The following ABCA5 variants were observed in gnomAD, a reference collection of about 807,000 sequenced individuals.
ABCA5 encodes the protein cholesterol transporter ABCA5.
Under a neutral mutation model 206.0 loss-of-function variants are expected in ABCA5, and 163 were observed. The ratio of observed to expected loss-of-function variants is 0.79; its 90% CI spans 0.70 to 0.90. The LOEUF (loss-of-function observed/expected upper bound fraction) is 0.90, where lower values mean the gene tolerates loss of function less well. Ranked by LOEUF, ABCA5 falls within the 40% of genes least tolerant of loss-of-function variation. The pLI is 0.00. For synonymous variants in ABCA5, 609 were observed against 613.8 expected, an observed-to-expected ratio of 0.99 and a Z score of 0.11; for missense variants, 1,859 against 1,912.9, an observed-to-expected ratio of 0.97 and a Z score of 0.53.
intron 1 of ABCA5, among the ~76,000 whole-genome samples, chr17:69,321,205 C>T (rs551818): frequency 1.3e-5 from 2 of 152,200 alleles, no homozygotes; most frequent in South Asian, 4.2e-4. Context: ...ACACCCAAAA[C>T]TAAAGGGTTA....
intron 23 of ABCA5, among the ~76,000 whole-genome samples, chr17:69,267,155 G>A (rs971212775): frequency 7.2e-5 from 11 of 152,004 alleles, no homozygotes; most frequent in African/African-American, 1.7e-4. Context: ...GATTACAGGC[G>A]TGGTCCACCA....
intron 19 of ABCA5, among the ~76,000 whole-genome samples, chr17:69,276,078 TTTC>T (rs1157007686): frequency 2.2e-5 from 3 of 138,084 alleles, no homozygotes; most frequent in African/African-American, 8.0e-5. Context: ...GTATTTTAAT[TTTC>T]TTTTTTTGGG....
chr17:69,261,161 G>C lies in ABCA5; in HGVS notation c.3528C>G (p.Ile1176Met), dbSNP rs1156716082. Residue 1176 changes from isoleucine to methionine, a missense_variant, in exon 26 of 39, where the codon ATC becomes ATG. Ile to Met is a conservative substitution (Grantham distance 10). Transcript: ENST00000392676. Reference protein sequence around the residue: ...LHYAFCIIIPIYPLLGCLISF... With the variant: ...LHYAFCIIIPMYPLLGCLISF... ...AAATCAGGCAACCTAGAAGTGGATA[G>C]ATTGGAATGATGATACAAAAGGCAT... 2.5e-6 allele frequency: 4 copies of C among 1,601,310 alleles called. No homozygotes were observed. The African/African-American group carries it at 4.0e-5, about 16-fold the overall frequency.
chr17:69,307,215 CAAAT>C (rs1487816685), intron 5 of ABCA5, among the ~76,000 whole-genome samples: 3 of 151,640 alleles, frequency 2.0e-5, no homozygotes, highest in Non-Finnish European at 4.4e-5. Context: ...AATAATTTGT[CAAAT>C]AAAATAAAAT....
At chr17:69,277,379 TA>T (rs1189023571) in intron 19 of ABCA5, among the ~76,000 whole-genome samples, 1 of 152,156 alleles carries the variant, frequency 6.6e-6, no homozygotes, top group Non-Finnish European at 1.5e-5. Context: ...TGACAGTAAT[TA>T]AAAAATTATA....
At chr17:69,291,164 T>C in intron 12 of ABCA5, 52 bp downstream of exon 12, 1 of 1,237,264 alleles carries the variant, frequency 8.1e-7, no homozygotes, top group Non-Finnish European at 1.1e-6. Context: ...TCAATACACA[T>C]TTAAAGAATA....
At chr17:69,280,173 A>C (rs558772120) in intron 18 of ABCA5, among the ~76,000 whole-genome samples, 50 of 152,176 alleles carry the variant, frequency 3.3e-4, no homozygotes, top group Admixed American at 8.5e-4. Flanking sequence ...CAATGAACTC[A>C]AACAAATTTA....
chr17:69,324,230 CAG>C (rs1346324257), intron 1 of ABCA5, among the ~76,000 whole-genome samples: 3 of 152,014 alleles, frequency 2.0e-5, no homozygotes, highest in African/African-American at 4.8e-5. Context: ...ACTAACTTTG[CAG>C]AGAGATAAAA....
intron 1 of ABCA5, among the ~76,000 whole-genome samples, chr17:69,316,581 A>G (rs2075818236): frequency 7.1e-6 from 1 of 141,692 alleles, no homozygotes. Flanking sequence ...GAGGAGAAAG[A>G]GTATTAATGC....
At position 69,291,336 on chromosome 17, in the gene ABCA5, G is replaced by GA; in HGVS notation, c.1496-11dup. ...ATGTCAAATGACAAATCTAGTTCAG[G>GA]AAAAAAGAAGACTCAAATGTAATTT... On this transcript the variant is annotated splice_polypyrimidine_tract_variant and intron_variant, in intron 11 of 38. Coordinates refer to ENST00000392676, the MANE Select transcript of ABCA5 (RefSeq NM_172232.4). 6.6e-7 allele frequency: 1 copy of GA among 1,511,988 alleles called. No homozygotes were observed. The highest frequency in any genetic ancestry group is 9.1e-7 in the Non-Finnish European group (1 of 1,095,830). 93.7% of individuals were successfully genotyped at this position (1,511,988 alleles called of 1,614,324 possible).
At position 69,253,860 on chromosome 17, in the gene ABCA5, A is replaced by T; in HGVS notation, c.4254T>A (p.His1418Gln). The change falls in exon 33 of 39, where the codon CAT becomes CAA. Residue 1418 changes from histidine (H) to glutamine (Q), a missense_variant. By Grantham distance (24) the His-to-Gln change is conservative (BLOSUM62 0). Transcript: ENST00000392676. Reference protein sequence around the residue: ...DMKEVISRITHALDLKEHLQK... With the variant: ...DMKEVISRITQALDLKEHLQK... ...GAAGATGTTCTTTTAAATCAAGTGC[A>T]TGTGTTATTCTGCAAAATGAACAAT... 1 of 1,610,990 alleles carries T rather than the reference A, an allele frequency of 6.2e-7. No individual in the cohort carries two copies. The highest frequency in any genetic ancestry group is 1.1e-5 in the South Asian group (1 of 90,762).
chr17:69,260,269 T>C lies in ABCA5; in HGVS notation c.3639+69A>G, dbSNP rs1283958138. The C allele has an allele frequency of 5.6e-5, 67 of 1,188,524 alleles. 1 individual carries two copies. The South Asian group carries it at 8.8e-4, about 16-fold the overall frequency. 73.6% of individuals were successfully genotyped at this position (1,188,524 alleles called of 1,614,324 possible). ...ATGCAACAGGATAAAAAACTAAACATAGTTAAAACCATAGGACCAAACCAT... is the reference window on the plus strand; with the variant it reads ...ATGCAACAGGATAAAAAACTAAACACAGTTAAAACCATAGGACCAAACCAT... On this transcript the variant is annotated intron_variant, in intron 27 of 38. Coordinates refer to ENST00000392676, the MANE Select transcript of ABCA5 (RefSeq NM_172232.4).
intron 14 of ABCA5, among the ~76,000 whole-genome samples, chr17:69,288,169 G>T (rs1004107547): frequency 9.9e-5 from 15 of 152,114 alleles, no homozygotes; most frequent in Admixed American, 8.5e-4. Context: ...GAACATGGTG[G>T]TGGTGGCTGA....
At chr17:69,304,536 T>G in intron 7 of ABCA5, 133 bp downstream of exon 7, 1 of 695,154 alleles carries the variant, frequency 1.4e-6, no homozygotes, top group Non-Finnish European at 2.2e-6. Context: ...CATTTATTTA[T>G]TAAGTCACTT....
intron 11 of ABCA5, among the ~76,000 whole-genome samples, chr17:69,293,876 G>GTT (rs2075556790): frequency 9.5e-6 from 1 of 104,844 alleles, no homozygotes; most frequent in South Asian, 4.2e-4. Flanking sequence ...GTGTGTGCGT[G>GTT]TGTGTGTGTT....
Position 69,251,814 on chromosome 17 carries a change from TG to T in ABCA5, c.4467del (p.Thr1490LeufsTer14), listed in dbSNP as rs1236120670. The T allele has an allele frequency of 3.1e-6, 5 of 1,613,862 alleles. No homozygotes were observed. Among genetic ancestry groups the T allele is most frequent in the Middle Eastern group, 1.6e-4 (1 of 6,084 alleles). On this transcript the variant is annotated frameshift_variant, in exon 35 of 39. Coordinates refer to ENST00000392676, the MANE Select transcript of ABCA5 (RefSeq NM_172232.4). LOFTEE classifies it high-confidence loss of function. ...FKNRKRAAIL[T>X]THYMEEAEAV... ...GCCTCTGCCTCCTCCATATAGTGAG[TG>T]GTCAGAATAGCAGCCCGCTTTCTGT...
chr17:69,322,634 C>T (rs750167793), intron 1 of ABCA5, among the ~76,000 whole-genome samples: 6 of 151,996 alleles, frequency 3.9e-5, no homozygotes, highest in African/African-American at 1.2e-4. Flanking sequence ...CTTCCCCCAC[C>T]TCCCCCGCAA....
chr17:69,276,723 C>CAA (rs992258990), intron 19 of ABCA5, among the ~76,000 whole-genome samples: 2 of 152,106 alleles, frequency 1.3e-5, no homozygotes, highest in Non-Finnish European at 2.9e-5. Context: ...ATGAGTGTAG[C>CAA]AAACCACCAT....
Position 69,294,670 on chromosome 17 carries a change from C to T in ABCA5, c.1480G>A (p.Val494Met), listed in dbSNP as rs200180154. 3 of 1,606,262 alleles carry T rather than the reference C, an allele frequency of 1.9e-6. No individual in the cohort carries two copies. The East Asian group carries it at 6.7e-5, about 36-fold the overall frequency. Residue 494 changes from valine to methionine, a missense_variant, in exon 11 of 39, where the codon GTG (valine) becomes ATG (methionine). Transcript: ENST00000392676. ...QKTYRKKGEN[V>M]EALRNLSFDI... ...AACTACTTACTTCTCAAAGCCTCCACATTTTCACCCTTCTTTCTGTATGTC... is the reference window on the plus strand; with the variant it reads ...AACTACTTACTTCTCAAAGCCTCCATATTTTCACCCTTCTTTCTGTATGTC...
Sources: gnomAD v4.1 joint callset for allele counts (sites outside exome capture counted in the v4.1 genomes callset) on GRCh38, gnomAD v4.1.1 for gene constraint, MANE v1.5 for transcripts, NCBI Gene and HGNC (gene_info 2026-07-23, HGNC 2026-07-21) for gene names.